NUS1: variants seen among roughly 807,000 people sequenced by gnomAD.
The protein encoded by NUS1 is dehydrodolichyl diphosphate synthase complex subunit NUS1.
For missense variants in NUS1, 292 were observed against 382.9 expected, an observed-to-expected ratio of 0.76 and a Z score of 1.98; for synonymous variants, 135 against 155.2, an observed-to-expected ratio of 0.87 and a Z score of 0.97.
Position 117,706,907 on chromosome 6 carries a change from C to G in NUS1, c.792-18C>G. 6.2e-7 allele frequency: 1 copy of G among 1,603,796 alleles called. No homozygotes were observed. Among genetic ancestry groups the G allele is most frequent in the South Asian group, 1.1e-5 (1 of 90,814 alleles). On this transcript the variant is annotated intron_variant, in intron 4 of 4. Coordinates refer to ENST00000368494, the MANE Select transcript of NUS1 (RefSeq NM_138459.5). ...GTGTATATCTAATTGCTTTTCTCCC[C>G]CCGTGTTTTCTTTTCAGCTCTTTGC...
At chr6:117,703,786 A>C in intron 4 of NUS1, 82 bp downstream of exon 4, 2 of 934,670 alleles carry the variant, frequency 2.1e-6, no homozygotes, top group Non-Finnish European at 3.5e-6. Context: ...TCTGGTGGGG[A>C]TTTCCAAAGA....
Position 117,710,554 on chromosome 6 carries a change from C to T in NUS1, c.*3539C>T, listed in dbSNP as rs563188393. The T allele has an allele frequency of 5.3e-5, 8 of 151,570 alleles. No individual in the cohort carries two copies. The highest frequency in any genetic ancestry group is 1.5e-4 in the African/African-American group (6 of 41,344). The allele number at this position is 151,570 out of a possible 1,614,324, so 9.4% of individuals were successfully genotyped here. A position where few individuals can be genotyped will look rare whatever the true frequency, so the allele number is the denominator to read the frequency against. ...TATTGATTACATTTTTGGTGATCACCGAGAATTTTTTGTACTATATTTTAA... is the reference window on the plus strand; with the variant it reads ...TATTGATTACATTTTTGGTGATCACTGAGAATTTTTTGTACTATATTTTAA... On this transcript the variant is annotated 3_prime_UTR_variant, in exon 5 of 5. Coordinates refer to ENST00000368494, the MANE Select transcript of NUS1 (RefSeq NM_138459.5).
At chr6:117,695,124 G>A (rs149247004) in intron 3 of NUS1, among the ~76,000 whole-genome samples, 240 of 147,050 alleles carry the variant, frequency 1.6e-3, no homozygotes, top group African/African-American at 5.9e-3. Context: ...AGTTCAAGAG[G>A]CAGAGGTTGC....
intron 1 of NUS1, among the ~76,000 whole-genome samples, chr6:117,688,698 C>G (rs77004498): frequency 6.6e-6 from 1 of 152,096 alleles, no homozygotes; most frequent in Non-Finnish European, 1.5e-5. Flanking sequence ...TGTTCACTCT[C>G]GGATGCCTAC....
At chr6:117,676,642 A>C (rs530569237) in intron 1 of NUS1, among the ~76,000 whole-genome samples, 24 of 152,230 alleles carry the variant, frequency 1.6e-4, no homozygotes, top group Non-Finnish European at 3.4e-4. Flanking sequence ...TACTGCAGTA[A>C]TGTAGATGGT....
At chr6:117,676,961 A>G (rs2114675706) in intron 1 of NUS1, among the ~76,000 whole-genome samples, 1 of 152,354 alleles carries the variant, frequency 6.6e-6, no homozygotes, top group South Asian at 2.1e-4. Flanking sequence ...TTGGATAGGC[A>G]GAAAAGAAAA....
intron 4 of NUS1, among the ~76,000 whole-genome samples, chr6:117,706,086 G>T (rs373685496): frequency 2.1e-4 from 32 of 152,070 alleles, no homozygotes; most frequent in African/African-American, 7.5e-4. Context: ...ATACTATTTG[G>T]AATTCCCACA....
rs772889914 is a variant in NUS1, at chr6:117,694,161, T to C, written c.672T>C (p.Asp224=). The C allele has an allele frequency of 2.0e-5, 32 of 1,600,454 alleles. No homozygotes were observed. The highest frequency in any genetic ancestry group is 2.6e-5 in the Non-Finnish European group (30 of 1,174,242). The change falls in exon 3 of 5, where the codon GAT becomes GAC. Residue 224 remains aspartate (D), a synonymous_variant. Transcript: ENST00000368494. ...AGAGACCCACAGATTTGGATGTAGA[T>C]ACGTTAGCCAGTTTACTTAGTAAGT... ...KQKRPTDLDV[D]TLASLLSSNG...
At chr6:117,703,509 G>A (rs1234052591) in intron 3 of NUS1, 96 bp from the exon 4 acceptor site, 1 of 897,630 alleles carries the variant, frequency 1.1e-6, no homozygotes, top group Non-Finnish European at 1.8e-6. Context: ...GAACCAATTT[G>A]ATTAATACAT....
intron 3 of NUS1, among the ~76,000 whole-genome samples, chr6:117,695,235 A>G (rs1773302630): frequency 1.4e-5 from 2 of 146,202 alleles, no homozygotes; most frequent in Non-Finnish European, 3.0e-5. Flanking sequence ...AAAGAAATGC[A>G]TTTTCTATCT....
At chr6:117,692,962 T>C in intron 1 of NUS1, 80 bp from the exon 2 acceptor site, 1 of 1,142,620 alleles carries the variant, frequency 8.8e-7, no homozygotes, top group Non-Finnish European at 1.3e-6. Context: ...CTGGATCTAG[T>C]GTTGTTTTCA....
chr6:117,685,553 C>T (rs1773124614), intron 1 of NUS1, among the ~76,000 whole-genome samples: 1 of 151,882 alleles, frequency 6.6e-6, no homozygotes, highest in South Asian at 2.1e-4. Flanking sequence ...GGTCTTGCTA[C>T]ATTGCTCAGG....
chr6:117,702,503 G>A (rs893276932), intron 3 of NUS1, among the ~76,000 whole-genome samples: 2 of 152,010 alleles, frequency 1.3e-5, no homozygotes, highest in Non-Finnish European at 2.9e-5. Flanking sequence ...ATAATTGTCC[G>A]CCTTTGGTCA....
intron 1 of NUS1, among the ~76,000 whole-genome samples, chr6:117,691,358 A>T (rs1773213617): frequency 6.6e-6 from 1 of 151,788 alleles, no homozygotes; most frequent in Non-Finnish European, 1.5e-5. Context: ...TTCCGAACTC[A>T]TGCTTTTTCT....
At chr6:117,679,967 T>G (rs1773036851) in intron 1 of NUS1, among the ~76,000 whole-genome samples, 1 of 152,172 alleles carries the variant, frequency 6.6e-6, no homozygotes, top group African/African-American at 2.4e-5. Flanking sequence ...GCTTACCACC[T>G]TACATTTTAT....
chr6:117,689,799 CAA>C (rs1287619788), intron 1 of NUS1, among the ~76,000 whole-genome samples: 5 of 152,132 alleles, frequency 3.3e-5, no homozygotes, highest in Non-Finnish European at 7.3e-5. Context: ...TTCCTGGCCT[CAA>C]GTGTTCCTCC....
In NUS1 at chr6:117,684,599, G is replaced by A. The variant is rs902841758; in HGVS notation, c.416-8443G>A. 2.6e-5 allele frequency among the ~76,000 whole-genome samples: 4 copies of A among 151,998 alleles called. No individual in the cohort carries two copies. In the South Asian group the frequency reaches 8.3e-4, roughly 32 times the overall value. On this transcript the variant is annotated intron_variant, in intron 1 of 4. Transcript: ENST00000368494. ...GAATAAAACCCTCCAACAGCTTCTC[G>A]TTGTAGTTGGAATGCTTTCGAAATT... is the stretch of plus-strand genomic sequence containing the variant.
chr6:117,703,649 C>T lies in NUS1; in HGVS notation c.736C>T (p.Pro246Ser). 6.2e-7 allele frequency: 1 copy of T among 1,613,878 alleles called. No individual in the cohort carries two copies. The highest frequency in any genetic ancestry group is 8.5e-7 in the Non-Finnish European group (1 of 1,179,836). The change falls in exon 4 of 5, where the codon CCT becomes TCT. Residue 246 changes from proline (P) to serine (S), a missense_variant. Physicochemically the swap from Pro to Ser is moderately conservative, Grantham distance 74 (BLOSUM62 -1). Transcript: ENST00000368494. ...PDPDLVLKFGPVDSTLGFLPW... is the reference protein window; with the variant it reads ...PDPDLVLKFGSVDSTLGFLPW... The stretch of plus-strand genomic sequence containing the variant: ...TCCTGATTTAGTATTGAAGTTCGGT[C>T]CTGTGGACAGCACATTAGGCTTTCT...
In NUS1 at chr6:117,681,203, C is replaced by G. The variant is rs574416971; in HGVS notation, c.415+5118C>G. 5.9e-5 allele frequency among the ~76,000 whole-genome samples: 9 copies of G among 152,262 alleles called. No individual in the cohort carries two copies. In the South Asian group the frequency reaches 1.7e-3, roughly 28 times the overall value. ...CTATCTTACTATATCTCTGAATCTC[C>G]TCAGAACTTCAAACATCTCTAAAGG... is the stretch of plus-strand genomic sequence containing the variant. On this transcript the variant is annotated intron_variant, in intron 1 of 4. Coordinates refer to ENST00000368494, the MANE Select transcript of NUS1 (RefSeq NM_138459.5).
Sources: gnomAD v4.1 joint callset for allele counts (sites outside exome capture counted in the v4.1 genomes callset) on GRCh38, gnomAD v4.1.1 for gene constraint, MANE v1.5 for transcripts, NCBI Gene and HGNC (gene_info 2026-07-23, HGNC 2026-07-21) for gene names.